The following SLC4A3 variants were observed in gnomAD, a reference collection of about 807,000 sequenced individuals.
The protein encoded by SLC4A3 is anion exchange protein 3.
In SLC4A3, 47 loss-of-function variants were observed where a neutral mutation model predicts 114.2. That is an observed-to-expected ratio of 0.41 (90% confidence interval 0.33 to 0.52). The LOEUF (loss-of-function observed/expected upper bound fraction) is 0.52. Ranked by LOEUF, SLC4A3 falls within the 20% of genes least tolerant of loss-of-function variation. The pLI is 0.21. For synonymous variants in SLC4A3, 693 were observed against 710.3 expected (o/e 0.98, Z 0.39); for missense variants, 1,312 against 1,668.3 (o/e 0.79, Z 3.72).
Position 219,636,569 on chromosome 2 carries a change from G to A in SLC4A3, c.2341-111G>A, listed in dbSNP as rs983642834. On this transcript the variant is annotated intron_variant, in intron 15 of 22. Coordinates refer to ENST00000358055, the MANE Select transcript of SLC4A3 (RefSeq NM_005070.4). This position sits in a 1 kb window ranked among gnomAD's most constrained non-coding sequence, Gnocchi z 5.5. ...CCACACTCTTCCTTACCTAGGGGAT[G>A]GGTCCCTGCATTCTCCCTCTTCCTC... 16 of 1,474,294 alleles carry A rather than the reference G, an allele frequency of 1.1e-5. No individual in the cohort carries two copies. Among genetic ancestry groups the A allele is most frequent in the African/African-American group, 2.8e-5 (2 of 71,004 alleles). 91.3% of individuals were successfully genotyped at this position (1,474,294 alleles called of 1,614,324 possible). A position where few individuals can be genotyped will look rare whatever the true frequency, so the allele number is the denominator to read the frequency against.
chr2:219,632,127 T>C lies in SLC4A3; in HGVS notation c.960+11T>C, dbSNP rs1394783339. On this transcript the variant is annotated intron_variant, in intron 7 of 22. Transcript: ENST00000358055. ...CGGAGGCCTCATGAGGTCAGGATGC[T>C]GACTGGGTGGGCCTGTGGCTTCCTC... The C allele has an allele frequency of 1.9e-6, 3 of 1,612,378 alleles. No individual in the cohort carries two copies. The East Asian group carries it at 6.7e-5, about 36-fold the overall frequency.
In SLC4A3 at chr2:219,632,328, C is replaced by G; in HGVS notation, c.1027C>G (p.Arg343Gly). ...GGAGCCCCACTGGCGGGAGACGGCC[C>G]GCTGGATCAAGTTTGAGGAGGACGT... Reference protein sequence around the residue: ...SQEPHWRETARWIKFEEDVEE... With the variant: ...SQEPHWRETAGWIKFEEDVEE... The change falls in exon 8 of 23, where the codon CGC becomes GGC. Residue 343 changes from arginine (R) to glycine (G), a missense_variant. This residue lies in a region of SLC4A3 where 771 missense variants were observed against 977.7 expected (regional missense o/e 0.79). Transcript: ENST00000358055. 3.1e-6 allele frequency: 5 copies of G among 1,614,100 alleles called. No homozygotes were observed. The highest frequency in any genetic ancestry group is 4.2e-6 in the Non-Finnish European group (5 of 1,180,018).
intron 12 of SLC4A3, 140 bp downstream of exon 12, chr2:219,634,744 G>A: frequency 1.1e-6 from 1 of 903,562 alleles, no homozygotes; most frequent in Non-Finnish European, 1.6e-6. Context: ...GTGGTGGGGG[G>A]AGCTGTTGGC....
chr2:219,632,848 C>T, intron 8 of SLC4A3, 26 bp from the exon 9 acceptor site: 1 of 1,613,272 alleles, frequency 6.2e-7, no homozygotes, highest in South Asian at 1.1e-5. Context: ...GGACTGTGCC[C>T]TCTCTGTGCC....
At position 219,631,238 on chromosome 2, in the gene SLC4A3, A is replaced by G; in HGVS notation, c.812-730A>G. ...AGGCCGAGGTCTCGGCCACCGGGAG[A>G]ATGACGAGCCCACTGGAGAAGGACC... is the stretch of plus-strand genomic sequence containing the variant. On this transcript the variant is annotated intron_variant, in intron 6 of 22. Transcript: ENST00000358055. The surrounding 1 kb of genome is among the most constrained non-coding windows in gnomAD (Gnocchi z 6.3). 8.0e-7 allele frequency: 1 copy of G among 1,255,894 alleles called. No individual in the cohort carries two copies. The highest frequency in any genetic ancestry group is 1.0e-6 in the Non-Finnish European group (1 of 959,760). The allele number at this position is 1,255,894 out of a possible 1,614,324, so 77.8% of individuals were successfully genotyped here.
rs779373372 is a variant in SLC4A3, at chr2:219,636,351, C to T, written c.2241C>T (p.Thr747=). 41 of 1,613,816 alleles carry T rather than the reference C, an allele frequency of 2.5e-5. No homozygotes were observed. Among genetic ancestry groups the T allele is most frequent in the East Asian group, 1.3e-4 (6 of 44,872 alleles). Residue 747 remains threonine, a synonymous_variant, in exon 15 of 23, where the codon ACC becomes ACT. Transcript: ENST00000358055. This position sits in a 1 kb window ranked among gnomAD's most constrained non-coding sequence, Gnocchi z 5.5. ...GCGTGTCCGAGCTGATCGTGTCCAC[C>T]GCTGTGCTCGGCGTCCTCTTCTCTC... The part of the protein sequence containing the change: ...LMGVSELIVS[T]AVLGVLFSLL...
In SLC4A3 at chr2:219,636,679, G is replaced by A; in HGVS notation, c.2341-1G>A. ...TAACGACCGCTCCTACCCCCACCTA[G>A]TTCTGCCGAGCCCAGGACCTGGAGT... On this transcript the variant is annotated splice_acceptor_variant, in intron 15 of 22. Coordinates refer to ENST00000358055, the MANE Select transcript of SLC4A3 (RefSeq NM_005070.4). LOFTEE classifies it high-confidence loss of function. This position sits in a 1 kb window ranked among gnomAD's most constrained non-coding sequence, Gnocchi z 5.5. 1 of 1,612,878 alleles carries A rather than the reference G, an allele frequency of 6.2e-7. No homozygotes were observed. Among genetic ancestry groups the A allele is most frequent in the Non-Finnish European group, 8.5e-7 (1 of 1,179,312 alleles).
chr2:219,637,810 A>G lies in SLC4A3; in HGVS notation c.2765A>G (p.Lys922Arg). The change falls in exon 17 of 23, where the codon AAG (lysine) becomes AGG (arginine). Residue 922 changes from lysine to arginine, a missense_variant and splice_region_variant. Lys to Arg is a conservative substitution (Grantham distance 26). Around this residue, in one of 4 missense-constraint regions of SLC4A3, gnomAD observed 301 missense variants for 460.7 expected, o/e 0.65. Transcript: ENST00000358055. This position sits in a 1 kb window ranked among gnomAD's most constrained non-coding sequence, Gnocchi z 4.6. ...AGGAACAGCCGCTTCCTGGGGGGCA[A>G]GGTGCGTGGCTGCTGGGTGTGGAGC... ...KFRNSRFLGG[K>R]ARRIIGDFGI... is the part of the protein sequence containing the mutation. 6.2e-7 allele frequency: 1 copy of G among 1,611,112 alleles called. No homozygotes were observed. The highest frequency in any genetic ancestry group is 8.5e-7 in the Non-Finnish European group (1 of 1,177,398).
Position 219,641,770 on chromosome 2 carries a change from G to A in SLC4A3, c.*42G>A, listed in dbSNP as rs753333802. ...CCCTCAGAGACCCCAAGACCTTAGG[G>A]ATTGACACCTGGGCCTCAGGCAGAG... On this transcript the variant is annotated 3_prime_UTR_variant, in exon 23 of 23. Coordinates refer to ENST00000358055, the MANE Select transcript of SLC4A3 (RefSeq NM_005070.4). This position sits in a 1 kb window ranked among gnomAD's most constrained non-coding sequence, Gnocchi z 4.0. 3.3e-6 allele frequency: 5 copies of A among 1,533,740 alleles called. No homozygotes were observed. The highest frequency in any genetic ancestry group is 4.5e-6 in the Non-Finnish European group (5 of 1,107,160).
Position 219,630,620 on chromosome 2 carries a change from T to C in SLC4A3, c.811+268T>C, listed in dbSNP as rs1698884518. 6.6e-6 allele frequency among the ~76,000 whole-genome samples: 1 copy of C among 152,074 alleles called. No individual in the cohort carries two copies. The highest frequency in any genetic ancestry group is 1.5e-5 in the Non-Finnish European group (1 of 68,002). On this transcript the variant is annotated intron_variant, in intron 6 of 22. Coordinates refer to ENST00000358055, the MANE Select transcript of SLC4A3 (RefSeq NM_005070.4). The surrounding 1 kb of genome is among the most constrained non-coding windows in gnomAD (Gnocchi z 6.9). Reference sequence around the variant, plus strand: ...CACCCCTAGAAAAAGGCAGCTCTCTTTTTCACATTACTGTATCCCTCCCCA... The same window carrying C: ...CACCCCTAGAAAAAGGCAGCTCTCTCTTTCACATTACTGTATCCCTCCCCA...
Position 219,628,448 on chromosome 2 carries a change from A to T in SLC4A3, c.95A>T (p.Glu32Val). Residue 32 changes from glutamate to valine, a missense_variant, in exon 3 of 23, where the codon GAG becomes GTG. Coordinates refer to ENST00000358055, the MANE Select transcript of SLC4A3 (RefSeq NM_005070.4). The surrounding 1 kb of genome is among the most constrained non-coding windows in gnomAD (Gnocchi z 4.8). ...LEEPPLSPDV[E>V]EEDDDLGKTL... ...GAGCCCCCTCTAAGTCCAGACGTGGAGGAGGAGGACGATGACTTGGGCAAG... is the reference window on the plus strand; with the variant it reads ...GAGCCCCCTCTAAGTCCAGACGTGGTGGAGGAGGACGATGACTTGGGCAAG... The T allele has an allele frequency of 6.2e-7, 1 of 1,613,362 alleles. No individual in the cohort carries two copies. The highest frequency in any genetic ancestry group is 8.5e-7 in the Non-Finnish European group (1 of 1,179,768).
Position 219,641,932 on chromosome 2 carries a change from C to A in SLC4A3, c.*204C>A. ...TCACCTTTCACAGACCAGACCGGCA[C>A]AGGCTTTGAGCTCATTATAACCACA... is the stretch of plus-strand genomic sequence containing the variant. On this transcript the variant is annotated 3_prime_UTR_variant, in exon 23 of 23. Coordinates refer to ENST00000358055, the MANE Select transcript of SLC4A3 (RefSeq NM_005070.4). This position sits in a 1 kb window ranked among gnomAD's most constrained non-coding sequence, Gnocchi z 4.0. 1 of 554,392 alleles carries A rather than the reference C, an allele frequency of 1.8e-6. No individual in the cohort carries two copies. The highest frequency in any genetic ancestry group is 3.2e-6 in the Non-Finnish European group (1 of 310,160). The allele number at this position is 554,392 out of a possible 1,614,324, so 34.3% of individuals were successfully genotyped here.
Position 219,631,017 on chromosome 2 carries a change from C to T in SLC4A3, c.811+665C>T. 1.6e-6 allele frequency: 1 copy of T among 637,942 alleles called. No individual in the cohort carries two copies. The highest frequency in any genetic ancestry group is 3.8e-5 in the South Asian group (1 of 26,046). 39.5% of individuals were successfully genotyped at this position (637,942 alleles called of 1,614,324 possible). Reference sequence around the variant, plus strand: ...AGGGACAGGAACAATCCGATGGCAGCAGTAGCAGCAGGATGGGGGGTGGGG... The same window carrying T: ...AGGGACAGGAACAATCCGATGGCAGTAGTAGCAGCAGGATGGGGGGTGGGG... On this transcript the variant is annotated intron_variant, in intron 6 of 22. Coordinates refer to ENST00000358055, the MANE Select transcript of SLC4A3 (RefSeq NM_005070.4). This position sits in a 1 kb window ranked among gnomAD's most constrained non-coding sequence, Gnocchi z 6.3.
chr2:219,634,788 G>T (rs76682164), intron 12 of SLC4A3, among the ~76,000 whole-genome samples, 184 bp downstream of exon 12: 1 of 152,200 alleles, frequency 6.6e-6, no homozygotes, highest in African/African-American at 2.4e-5. Context: ...GGCTGTGGCT[G>T]TGGGAGGGTC....
At position 219,640,694 on chromosome 2, in the gene SLC4A3, A is replaced by G. The variant is rs2289780; in HGVS notation, c.3447+95A>G. 833 of 1,569,570 alleles carry G rather than the reference A, an allele frequency of 5.3e-4. 13 individuals carry two copies. The East Asian group carries it at 0.018, about 35-fold the overall frequency. On this transcript the variant is annotated intron_variant, in intron 21 of 22. Coordinates refer to ENST00000358055, the MANE Select transcript of SLC4A3 (RefSeq NM_005070.4). ...TTGATGGATGGGATGAATATGAAGG[A>G]GAAGCTGTGACCTGGGAGCCAAATT...
rs1698812387 is a variant in SLC4A3, at chr2:219,628,770, GGC to G, written c.217+201_217+202del. On this transcript the variant is annotated intron_variant, in intron 3 of 22. Transcript: ENST00000358055. This position sits in a 1 kb window ranked among gnomAD's most constrained non-coding sequence, Gnocchi z 4.8. ...GCCTGTCCGCCTGCCTGGGGAGGTG[GGC>G]CCCAGACCAGGGGAGATCTAGGGAG... 1 of 655,072 alleles carries G rather than the reference GGC, an allele frequency of 1.5e-6. No individual in the cohort carries two copies. The highest frequency in any genetic ancestry group is 2.6e-6 in the Non-Finnish European group (1 of 390,912). The allele number at this position is 655,072 out of a possible 1,614,324, so 40.6% of individuals were successfully genotyped here. A position where few individuals can be genotyped will look rare whatever the true frequency, so the allele number is the denominator to read the frequency against.
At position 219,636,668 on chromosome 2, in the gene SLC4A3, AC is replaced by A. The variant is rs746078569; in HGVS notation, c.2341-7del. On this transcript the variant is annotated splice_polypyrimidine_tract_variant and intron_variant, in intron 15 of 22. Coordinates refer to ENST00000358055, the MANE Select transcript of SLC4A3 (RefSeq NM_005070.4). The surrounding 1 kb of genome is among the most constrained non-coding windows in gnomAD (Gnocchi z 5.5). ...CCACCTGTGGGTAACGACCGCTCCTACCCCCACCTAGTTCTGCCGAGCCCAG... is the reference window on the plus strand; with the variant it reads ...CCACCTGTGGGTAACGACCGCTCCTACCCCACCTAGTTCTGCCGAGCCCAG... The A allele has an allele frequency of 1.5e-5, 24 of 1,610,118 alleles. No individual in the cohort carries two copies. The East Asian group carries it at 5.4e-4, about 36-fold the overall frequency.
intron 13 of SLC4A3, 26 bp downstream of exon 13, chr2:219,635,522 C>A (rs1196240597): frequency 1.2e-5 from 19 of 1,554,654 alleles, no homozygotes; most frequent in Non-Finnish European, 1.7e-5. Flanking sequence ...GCTGAGTGCC[C>A]CCAATACACA....
In SLC4A3 at chr2:219,628,511, A is replaced by C; in HGVS notation, c.158A>C (p.Lys53Thr). ...AGCAGGTTTGGGGACCTCATCAGCAAGCCCCCGGCCTGGGACCCCGAGAAG... is the reference window on the plus strand; with the variant it reads ...AGCAGGTTTGGGGACCTCATCAGCACGCCCCCGGCCTGGGACCCCGAGAAG... ...AVSRFGDLIS[K>T]PPAWDPEKPS... is the part of the protein sequence containing the mutation. Residue 53 changes from lysine to threonine, a missense_variant, in exon 3 of 23, where the codon AAG becomes ACG. By Grantham distance (78) the Lys-to-Thr change is moderately conservative. Around this residue, in one of 4 missense-constraint regions of SLC4A3, gnomAD observed 236 missense variants for 212.1 expected, o/e 1.11. Coordinates refer to ENST00000358055, the MANE Select transcript of SLC4A3 (RefSeq NM_005070.4). This position sits in a 1 kb window ranked among gnomAD's most constrained non-coding sequence, Gnocchi z 4.8. 1 of 1,613,680 alleles carries C rather than the reference A, an allele frequency of 6.2e-7. No individual in the cohort carries two copies. The highest frequency in any genetic ancestry group is 8.5e-7 in the Non-Finnish European group (1 of 1,179,864).
Sources: gnomAD v4.1 joint callset for allele counts (sites outside exome capture counted in the v4.1 genomes callset) on GRCh38, gnomAD v4.1.1 for gene constraint, gnomAD v4.1.1 regional missense constraint, Gnocchi (gnomAD v3.1) non-coding constraint, MANE v1.5 for transcripts, NCBI Gene and HGNC (gene_info 2026-07-23, HGNC 2026-07-21) for gene names.